Variants in MSRA observed in about 807,000 individuals in gnomAD.
MSRA encodes methionine sulfoxide reductase A, also known as mitochondrial peptide methionine sulfoxide reductase.
Under a neutral mutation model 31.3 loss-of-function variants are expected in MSRA, and 54 were observed. That is an observed-to-expected ratio of 1.73 (90% CI 1.39 to 2.17). The LOEUF is 2.17. Ranked by LOEUF, MSRA falls within the 30% of genes most tolerant of loss-of-function variation. The pLI is 0.00. For synonymous variants in MSRA, 169 were observed against 116.5 expected, an observed-to-expected ratio of 1.45 and a Z score of -2.90; for missense variants, 507 against 300.9, an observed-to-expected ratio of 1.69 and a Z score of -5.07.
intron 2 of MSRA, among the ~76,000 whole-genome samples, chr8:10,233,330 A>G (rs75320280): frequency 0.019 from 2,856 of 152,344 alleles, 94 homozygotes; most frequent in African/African-American, 0.066. Flanking sequence ...CTGCAAACTC[A>G]AATTCTAAAG....
At chr8:10,176,000 A>C (rs1283638756) in intron 1 of MSRA, among the ~76,000 whole-genome samples, 1 of 152,156 alleles carries the variant, frequency 6.6e-6, no homozygotes, top group Non-Finnish European at 1.5e-5. Context: ...GCTTTTCCTG[A>C]GTCATCAGTA....
At chr8:10,204,496 T>A (rs371448563) in intron 1 of MSRA, among the ~76,000 whole-genome samples, 2 of 152,206 alleles carry the variant, frequency 1.3e-5, no homozygotes. Flanking sequence ...CAAATACTTA[T>A]CATTGTATTA....
At chr8:10,094,312 T>A (rs1156273172) in intron 1 of MSRA, among the ~76,000 whole-genome samples, 1 of 152,218 alleles carries the variant, frequency 6.6e-6, no homozygotes, top group South Asian at 2.1e-4. Flanking sequence ...ACTTAATAGA[T>A]TTGTTGGACA....
At chr8:10,339,493 T>C (rs1307963574) in intron 5 of MSRA, among the ~76,000 whole-genome samples, 2 of 151,936 alleles carry the variant, frequency 1.3e-5, no homozygotes, top group Non-Finnish European at 2.9e-5. Flanking sequence ...TTTTTGTGTT[T>C]GTTTTATTCC....
chr8:10,416,766 G>A (rs1404482613), intron 5 of MSRA, among the ~76,000 whole-genome samples: 1 of 152,200 alleles, frequency 6.6e-6, no homozygotes, highest in Non-Finnish European at 1.5e-5. Flanking sequence ...CCCAGACTTT[G>A]CATTTCTTGC....
chr8:10,108,188 C>G (rs1422993174), intron 1 of MSRA, among the ~76,000 whole-genome samples: 1 of 152,232 alleles, frequency 6.6e-6, no homozygotes, highest in East Asian at 1.9e-4. Context: ...CATATAATCT[C>G]TGACGTTTGT....
Position 10,428,140 on chromosome 8 carries a change from C to A in MSRA, c.544-8C>A, listed in dbSNP as rs368272609. On this transcript the variant is annotated splice_region_variant and splice_polypyrimidine_tract_variant and intron_variant, in intron 5 of 5. Transcript: ENST00000317173. ...GGGAGCTGATGGCGCCTTTCTGTGT[C>A]CCCACAGGTTCTTTCAGAGCACGGC... 9 of 1,609,536 alleles carry A rather than the reference C, an allele frequency of 5.6e-6. No homozygotes were observed. Among genetic ancestry groups the A allele is most frequent in the African/African-American group, 5.4e-5 (4 of 74,650 alleles).
At chr8:10,080,783 C>T (rs752650582) in intron 1 of MSRA, among the ~76,000 whole-genome samples, 1 of 151,884 alleles carries the variant, frequency 6.6e-6, no homozygotes, top group African/African-American at 2.4e-5. Flanking sequence ...AAGCGATCCT[C>T]CTGCCTCGGC....
chr8:10,251,871 G>T (rs1399675713), intron 3 of MSRA, among the ~76,000 whole-genome samples: 1 of 151,932 alleles, frequency 6.6e-6, no homozygotes, highest in Non-Finnish European at 1.5e-5. Context: ...TGGGGGGGGG[G>T]GGACATAGGT....
In MSRA at chr8:10,164,895, G is replaced by A. The variant is rs572902907; in HGVS notation, c.143-42938G>A. ...ATATAAAAATTAGCCTGGTGTTGTCGCAGACGCCTGTATTCCCAGCTACTC... is the reference window on the plus strand; with the variant it reads ...ATATAAAAATTAGCCTGGTGTTGTCACAGACGCCTGTATTCCCAGCTACTC... On this transcript the variant is annotated intron_variant, in intron 1 of 5. Transcript: ENST00000317173. Among the ~76,000 whole-genome samples, 23 of 152,248 alleles carry A rather than the reference G, an allele frequency of 1.5e-4. 1 individual carries two copies. In the East Asian group the frequency reaches 1.5e-3, roughly 10 times the overall value.
At position 10,369,330 on chromosome 8, in the gene MSRA, T is replaced by A. The variant is rs181111440; in HGVS notation, c.543+49341T>A. 5.3e-5 allele frequency among the ~76,000 whole-genome samples: 8 copies of A among 151,100 alleles called. No homozygotes were observed. The East Asian group carries it at 1.4e-3, about 26-fold the overall frequency. On this transcript the variant is annotated intron_variant, in intron 5 of 5. Coordinates refer to ENST00000317173, the MANE Select transcript of MSRA (RefSeq NM_012331.5). ...TATTCATCCATTCTAGACAGCTTAT[T>A]TGAACATAGCATGATCCTGGCACTA... is the stretch of plus-strand genomic sequence containing the variant.
At chr8:10,217,374 C>T (rs1810085579) in intron 2 of MSRA, among the ~76,000 whole-genome samples, 1 of 152,226 alleles carries the variant, frequency 6.6e-6, no homozygotes, top group Non-Finnish European at 1.5e-5. Context: ...GTCCTTGCAT[C>T]TCTGCAGGTG....
At chr8:10,193,414 A>G (rs1807697852) in intron 1 of MSRA, among the ~76,000 whole-genome samples, 1 of 152,198 alleles carries the variant, frequency 6.6e-6, no homozygotes, top group Non-Finnish European at 1.5e-5. Context: ...CGGTAATTTT[A>G]TTCAGCAAAG....
intron 3 of MSRA, among the ~76,000 whole-genome samples, chr8:10,287,639 T>G (rs971221821): frequency 2.0e-5 from 3 of 152,168 alleles, no homozygotes; most frequent in Non-Finnish European, 2.9e-5. Flanking sequence ...CTTGGTCTGG[T>G]GAATTTTTGC....
intron 1 of MSRA, among the ~76,000 whole-genome samples, chr8:10,140,807 A>G (rs1002629024): frequency 6.6e-6 from 1 of 152,226 alleles, no homozygotes; most frequent in African/African-American, 2.4e-5. Flanking sequence ...ACATAAATCT[A>G]TCTAATGGCT....
intron 1 of MSRA, among the ~76,000 whole-genome samples, chr8:10,177,319 AT>A (rs1297438017): frequency 6.6e-6 from 1 of 152,228 alleles, no homozygotes; most frequent in Admixed American, 6.5e-5. Flanking sequence ...AATAAACCTG[AT>A]GTAACTGACA....
chr8:10,308,790 A>G (rs1004416682), intron 4 of MSRA, among the ~76,000 whole-genome samples: 1 of 152,160 alleles, frequency 6.6e-6, no homozygotes, highest in Non-Finnish European at 1.5e-5. Flanking sequence ...GCCTGTCCAT[A>G]GCTCTTGGTC....
chr8:10,058,814 C>G (rs1278864561), intron 1 of MSRA, among the ~76,000 whole-genome samples: 1 of 152,092 alleles, frequency 6.6e-6, no homozygotes, highest in African/African-American at 2.4e-5. Flanking sequence ...TAAATTCTAC[C>G]TTTTTTGTAT....
At chr8:10,099,265 G>T (rs1301299138) in intron 1 of MSRA, among the ~76,000 whole-genome samples, 1 of 152,214 alleles carries the variant, frequency 6.6e-6, no homozygotes, top group Non-Finnish European at 1.5e-5. Flanking sequence ...GGTGGCCCAG[G>T]CGTGAGGCAG....
Sources: gnomAD v4.1 joint callset for allele counts (sites outside exome capture counted in the v4.1 genomes callset) on GRCh38, gnomAD v4.1.1 for gene constraint, MANE v1.5 for transcripts, NCBI Gene and HGNC (gene_info 2026-07-23, HGNC 2026-07-21) for gene names.